CIAO1: variants seen among roughly 807,000 people sequenced by gnomAD.
The protein encoded by CIAO1 is cytosolic iron-sulfur assembly component 1.
In CIAO1, 32 loss-of-function variants were observed where a neutral mutation model predicts 43.1. The ratio of observed to expected loss-of-function variants is 0.74; its 90% confidence interval spans 0.56 to 1.00. CIAO1 has a LOEUF of 1.00. Ranked by LOEUF, CIAO1 falls within the 50% of genes least tolerant of loss-of-function variation. The pLI, the probability that CIAO1 is intolerant of heterozygous loss-of-function variation, is 0.00. For synonymous variants in CIAO1, 183 were observed against 171.4 expected (o/e 1.07, Z -0.53); for missense variants, 415 against 437.4 (o/e 0.95, Z 0.46).
Position 96,273,790 on chromosome 2 carries a change from C to A in CIAO1, c.*2439C>A, listed in dbSNP as rs543165013. Among the ~76,000 whole-genome samples, 4 of 151,684 alleles carry A rather than the reference C, an allele frequency of 2.6e-5. No homozygotes were observed. The highest frequency in any genetic ancestry group is 7.3e-5 in the African/African-American group (3 of 41,366). Reference sequence around the variant, plus strand: ...GTATCTGTGTGAAGTCAACTTACTTCAACAAAAAAGTTTGGATGTAGAAGC... The same window carrying A: ...GTATCTGTGTGAAGTCAACTTACTTAAACAAAAAAGTTTGGATGTAGAAGC... On this transcript the variant is annotated 3_prime_UTR_variant, in exon 7 of 7. Coordinates refer to ENST00000488633, the MANE Select transcript of CIAO1 (RefSeq NM_004804.3).
rs559286191 is a variant in CIAO1, at chr2:96,268,999, T to C, written c.692-269T>C. On this transcript the variant is annotated intron_variant, in intron 5 of 6. Coordinates refer to ENST00000488633, the MANE Select transcript of CIAO1 (RefSeq NM_004804.3). ...GTCTGGGGTTTGGAGAGGAATAAAG[T>C]GGGTTGGGTCGGCTGGTGGGTGGCC... 7 of 578,740 alleles carry C rather than the reference T, an allele frequency of 1.2e-5. No individual in the cohort carries two copies. The African/African-American group carries it at 1.3e-4, about 11-fold the overall frequency. 35.9% of individuals were successfully genotyped at this position (578,740 alleles called of 1,614,324 possible).
In CIAO1 at chr2:96,271,170, A is replaced by G; in HGVS notation, c.839A>G (p.Gln280Arg). The G allele has an allele frequency of 6.2e-7, 1 of 1,614,200 alleles. No homozygotes were observed. The highest frequency in any genetic ancestry group is 1.7e-5 in the Admixed American group (1 of 60,020). ...GGGGATGACGCGATCCGCGTGTTTC[A>G]GGAGGATCCCAACTCGGATCCACAG... Reference protein sequence around the residue: ...ACGDDAIRVFQEDPNSDPQQP... With the variant: ...ACGDDAIRVFREDPNSDPQQP... Residue 280 changes from glutamine to arginine, a missense_variant, in exon 7 of 7, where the codon CAG becomes CGG. Coordinates refer to ENST00000488633, the MANE Select transcript of CIAO1 (RefSeq NM_004804.3).
At position 96,266,466 on chromosome 2, in the gene CIAO1, G is replaced by A. The variant is rs1364116631; in HGVS notation, c.116G>A (p.Arg39Lys). The change falls in exon 1 of 7, where the codon AGA becomes AAA. Residue 39 changes from arginine (R) to lysine (K), a missense_variant. Transcript: ENST00000488633. ...CTGGCCTCGTGCGGCGGCGACCGGA[G>A]AATCCGCATCTGGGGCACGGAGGGT... ...TLLASCGGDR[R>K]IRIWGTEGDS... is the part of the protein sequence containing the mutation. 2 of 1,549,824 alleles carry A rather than the reference G, an allele frequency of 1.3e-6. No individual in the cohort carries two copies. Among genetic ancestry groups the A allele is most frequent in the Non-Finnish European group, 1.8e-6 (2 of 1,141,666 alleles).
In CIAO1 at chr2:96,273,045, G is replaced by A. The variant is rs1166513476; in HGVS notation, c.*1694G>A. On this transcript the variant is annotated 3_prime_UTR_variant, in exon 7 of 7. Coordinates refer to ENST00000488633, the MANE Select transcript of CIAO1 (RefSeq NM_004804.3). The stretch of plus-strand genomic sequence containing the variant: ...GGCTGATATTTTCTGGAAATTAATG[G>A]AATGAGCCTCTCACCTCAAGGGAAA... The A allele has an allele frequency of 6.6e-6, 1 of 152,180 alleles. No homozygotes were observed. The highest frequency in any genetic ancestry group is 1.5e-5 in the Non-Finnish European group (1 of 68,034). The allele number at this position is 152,180 out of a possible 1,614,324, so 9.4% of individuals were successfully genotyped here. A position where few individuals can be genotyped will look rare whatever the true frequency, so the allele number is the denominator to read the frequency against.
rs887058505 is a variant in CIAO1 at position 96,273,266 on chromosome 2, T to C, written c.*1915T>C. The C allele has an allele frequency of 1.1e-4, 16 of 152,220 alleles. No individual in the cohort carries two copies. The highest frequency in any genetic ancestry group is 3.9e-4 in the African/African-American group (16 of 41,466). 9.4% of individuals were successfully genotyped at this position (152,220 alleles called of 1,614,324 possible). A position where few individuals can be genotyped will look rare whatever the true frequency, so the allele number is the denominator to read the frequency against. On this transcript the variant is annotated 3_prime_UTR_variant, in exon 7 of 7. Coordinates refer to ENST00000488633, the MANE Select transcript of CIAO1 (RefSeq NM_004804.3). ...GTGATGTTACAAAATCATGCATGGC[T>C]CAAAGATTGATTCAAAAGTGTAAGA...
intron 6 of CIAO1, among the ~76,000 whole-genome samples, chr2:96,269,689 C>T (rs1188227914): frequency 6.6e-6 from 1 of 152,110 alleles, no homozygotes; most frequent in Admixed American, 6.5e-5. Context: ...ACTCTGCAGC[C>T]CAGGCTGGAG....
intron 5 of CIAO1, chr2:96,268,974 G>A (rs559311303): frequency 1.7e-4 from 96 of 573,406 alleles, no homozygotes; most frequent in Middle Eastern, 4.7e-4. Flanking sequence ...GGCATAGGAC[G>A]TCTGGGGTTT....
In CIAO1 at chr2:96,267,419, A is replaced by G; in HGVS notation, c.238A>G (p.Ser80Gly). 4 of 1,614,200 alleles carry G rather than the reference A, an allele frequency of 2.5e-6. No homozygotes were observed. The highest frequency in any genetic ancestry group is 3.4e-6 in the Non-Finnish European group (4 of 1,180,028). Reference protein sequence around the residue: ...SPCGNYLASASFDATTCIWKK... With the variant: ...SPCGNYLASAGFDATTCIWKK... The stretch of plus-strand genomic sequence containing the variant: ...CTGCGGTAATTACCTGGCCTCTGCC[A>G]GCTTTGATGCTACCACTTGCATTTG... Residue 80 changes from serine to glycine, a missense_variant, in exon 2 of 7, where the codon AGC becomes GGC. Ser to Gly is a moderately conservative substitution (Grantham distance 56). Transcript: ENST00000488633.
rs1259817934 is a variant in CIAO1, at chr2:96,273,890, GT to G, written c.*2543del. ...AAAATGCCACCCTTCTCCTTGGATT[GT>G]TTTGGAAGTTATTCTTCATAAAAAA... On this transcript the variant is annotated 3_prime_UTR_variant, in exon 7 of 7. Transcript: ENST00000488633. 6.6e-6 allele frequency among the ~76,000 whole-genome samples: 1 copy of G among 151,608 alleles called. No homozygotes were observed. Among genetic ancestry groups the G allele is most frequent in the Non-Finnish European group, 1.5e-5 (1 of 67,964 alleles).
In CIAO1 at chr2:96,268,980, G is replaced by A; in HGVS notation, c.692-288G>A. On this transcript the variant is annotated intron_variant, in intron 5 of 6. Coordinates refer to ENST00000488633, the MANE Select transcript of CIAO1 (RefSeq NM_004804.3). ...TTTAAATGGGGCATAGGACGTCTGG[G>A]GTTTGGAGAGGAATAAAGTGGGTTG... is the stretch of plus-strand genomic sequence containing the variant. 5 of 576,070 alleles carry A rather than the reference G, an allele frequency of 8.7e-6. No homozygotes were observed. The South Asian group carries it at 1.0e-4, about 12-fold the overall frequency. 35.7% of individuals were successfully genotyped at this position (576,070 alleles called of 1,614,324 possible). A position where few individuals can be genotyped will look rare whatever the true frequency, so the allele number is the denominator to read the frequency against.
rs1465905711 is a variant in CIAO1 at position 96,267,929 on chromosome 2, G to A, written c.489+5G>A. The A allele has an allele frequency of 6.2e-7, 1 of 1,612,554 alleles. No individual in the cohort carries two copies. ...GTTTGGCACCCAAGTCAGGAGGTAA[G>A]AGTCAAGCAGGGACTCTTGTGGGAA... is the stretch of plus-strand genomic sequence containing the variant. On this transcript the variant is annotated splice_donor_5th_base_variant and intron_variant, in intron 4 of 6. Transcript: ENST00000488633.
In CIAO1 at chr2:96,272,964, C is replaced by T. The variant is rs375293619; in HGVS notation, c.*1613C>T. On this transcript the variant is annotated 3_prime_UTR_variant, in exon 7 of 7. Coordinates refer to ENST00000488633, the MANE Select transcript of CIAO1 (RefSeq NM_004804.3). ...CAAGCTGAATTGGCTGTGTTCAAGGCATGCCCTTTAGAATTGAAAGAACTA... is the reference window on the plus strand; with the variant it reads ...CAAGCTGAATTGGCTGTGTTCAAGGTATGCCCTTTAGAATTGAAAGAACTA... 3 of 152,184 alleles carry T rather than the reference C, an allele frequency of 2.0e-5. No individual in the cohort carries two copies. Among genetic ancestry groups the T allele is most frequent in the Non-Finnish European group, 2.9e-5 (2 of 68,044 alleles). 9.4% of individuals were successfully genotyped at this position (152,184 alleles called of 1,614,324 possible). A position where few individuals can be genotyped will look rare whatever the true frequency, so the allele number is the denominator to read the frequency against.
At position 96,273,627 on chromosome 2, in the gene CIAO1, G is replaced by GA. The variant is rs1684597109; in HGVS notation, c.*2277dup. Among the ~76,000 whole-genome samples the GA allele has an allele frequency of 7.2e-6, 1 of 139,410 alleles. No homozygotes were observed. Among genetic ancestry groups the GA allele is most frequent in the Admixed American group, 7.7e-5 (1 of 13,010 alleles). 91.5% of individuals were successfully genotyped at this position (139,410 alleles called of 152,430 possible). A position where few individuals can be genotyped will look rare whatever the true frequency, so the allele number is the denominator to read the frequency against. ...GCAGTGAGTCGAGATCGTGCCACTG[G>GA]ACTCCAGCCTGGGTGACAGAGCGAG... On this transcript the variant is annotated 3_prime_UTR_variant, in exon 7 of 7. Transcript: ENST00000488633.
Position 96,271,670 on chromosome 2 carries a change from C to A in CIAO1, c.*319C>A, listed in dbSNP as rs1208406851. 1 of 201,546 alleles carries A rather than the reference C, an allele frequency of 5.0e-6. No individual in the cohort carries two copies. The highest frequency in any genetic ancestry group is 1.0e-5 in the Non-Finnish European group (1 of 99,478). 12.5% of individuals were successfully genotyped at this position (201,546 alleles called of 1,614,324 possible). ...ATATAGTAGGAGGGGGTATGTGTCTCAGGCTTTTCTGAAGTTGCAAGACTT... is the reference window on the plus strand; with the variant it reads ...ATATAGTAGGAGGGGGTATGTGTCTAAGGCTTTTCTGAAGTTGCAAGACTT... On this transcript the variant is annotated 3_prime_UTR_variant, in exon 7 of 7. Coordinates refer to ENST00000488633, the MANE Select transcript of CIAO1 (RefSeq NM_004804.3).
Position 96,266,318 on chromosome 2 carries a change from G to T in CIAO1, c.-33G>T. 1.5e-6 allele frequency: 2 copies of T among 1,373,620 alleles called. No homozygotes were observed. The highest frequency in any genetic ancestry group is 3.0e-5 in the East Asian group (1 of 33,042). The allele number at this position is 1,373,620 out of a possible 1,614,324, so 85.1% of individuals were successfully genotyped here. A position where few individuals can be genotyped will look rare whatever the true frequency, so the allele number is the denominator to read the frequency against. On this transcript the variant is annotated 5_prime_UTR_variant, in exon 1 of 7. Transcript: ENST00000488633. ...ACCCGCTGTCTGCTCAGCGGACTCTGCCCGCCCCCACCTCCCCCTGCGTCG... is the reference window on the plus strand; with the variant it reads ...ACCCGCTGTCTGCTCAGCGGACTCTTCCCGCCCCCACCTCCCCCTGCGTCG...
chr2:96,268,378 C>G (rs1202118681), intron 4 of CIAO1, 79 bp from the exon 5 acceptor site: 1 of 1,142,724 alleles, frequency 8.8e-7, no homozygotes, highest in Non-Finnish European at 1.3e-6. Flanking sequence ...AAAATAAAAG[C>G]AGATACCTGG....
rs1199918711 is a variant in CIAO1, at chr2:96,274,135, G to A, written c.*2784G>A. On this transcript the variant is annotated 3_prime_UTR_variant, in exon 7 of 7. Coordinates refer to ENST00000488633, the MANE Select transcript of CIAO1 (RefSeq NM_004804.3). ...TTTTTGGGGCAACCTCCAGAACTGT[G>A]AAAAATAAATTTGTTATTTAAAAAG... Among the ~76,000 whole-genome samples, 4 of 145,928 alleles carry A rather than the reference G, an allele frequency of 2.7e-5. No homozygotes were observed. Among genetic ancestry groups the A allele is most frequent in the Non-Finnish European group, 4.5e-5 (3 of 66,628 alleles).
At position 96,267,922 on chromosome 2, in the gene CIAO1, G is replaced by A; in HGVS notation, c.487G>A (p.Glu163Lys). ...VKHVVWHPSQ[E>K]LLASASYDDT... Reference sequence around the variant, plus strand: ...GCATGTGGTTTGGCACCCAAGTCAGGAGGTAAGAGTCAAGCAGGGACTCTT... The same window carrying A: ...GCATGTGGTTTGGCACCCAAGTCAGAAGGTAAGAGTCAAGCAGGGACTCTT... The change falls in exon 4 of 7, where the codon GAG becomes AAG. Residue 163 changes from glutamate (E) to lysine (K), a missense_variant and splice_region_variant. Physicochemically the swap from Glu to Lys is moderately conservative, Grantham distance 56. Transcript: ENST00000488633. 6.2e-7 allele frequency: 1 copy of A among 1,613,804 alleles called. No individual in the cohort carries two copies. Among genetic ancestry groups the A allele is most frequent in the Non-Finnish European group, 8.5e-7 (1 of 1,179,708 alleles).
At chr2:96,269,474 C>A in intron 6 of CIAO1, 119 bp downstream of exon 6, 4 of 902,936 alleles carry the variant, frequency 4.4e-6, no homozygotes, top group Non-Finnish European at 7.2e-6. Flanking sequence ...GGCAGCCACC[C>A]CCATTCCTTA....
Sources: gnomAD v4.1 joint callset for allele counts (sites outside exome capture counted in the v4.1 genomes callset) on GRCh38, gnomAD v4.1.1 for gene constraint, MANE v1.5 for transcripts, NCBI Gene and HGNC (gene_info 2026-07-23, HGNC 2026-07-21) for gene names.